Variants in TAFA2 observed in about 807,000 individuals in gnomAD.
TAFA2 encodes TAFA chemokine like family member 2.
A neutral mutation model predicts 18.8 loss-of-function variants in TAFA2; 7 were observed. That is an observed-to-expected ratio of 0.37 (90% CI 0.21 to 0.70). TAFA2 has a LOEUF of 0.70. Ranked by LOEUF, TAFA2 falls within the 30% of genes least tolerant of loss-of-function variation. The pLI is 0.53. For synonymous variants in TAFA2, 60 were observed against 54.2 expected, an observed-to-expected ratio of 1.11 and a Z score of -0.47; for missense variants, 122 against 158.1, an observed-to-expected ratio of 0.77 and a Z score of 1.23.
intron 1 of TAFA2, among the ~76,000 whole-genome samples, chr12:62,065,609 G>A (rs759239637): frequency 5.3e-5 from 8 of 151,984 alleles, no homozygotes; most frequent in Non-Finnish European, 1.2e-4. Context: ...TTCTTAGCAT[G>A]TGTTCATATC....
At chr12:62,085,928 G>T (rs1413779276) in intron 1 of TAFA2, among the ~76,000 whole-genome samples, 1 of 152,018 alleles carries the variant, frequency 6.6e-6, no homozygotes, top group African/African-American at 2.4e-5. Flanking sequence ...AGATCTGATG[G>T]TTTAAAAGAG....
At chr12:62,210,091 C>A (rs2062707444) in intron 1 of TAFA2, among the ~76,000 whole-genome samples, 1 of 151,856 alleles carries the variant, frequency 6.6e-6, no homozygotes, top group African/African-American at 2.4e-5. Flanking sequence ...GAGGCTAAGG[C>A]AGAAAAATGG....
chr12:61,943,954 C>T (rs1295936109), intron 1 of TAFA2, among the ~76,000 whole-genome samples: 5 of 143,988 alleles, frequency 3.5e-5, no homozygotes, highest in Admixed American at 2.8e-4. Flanking sequence ...CCAAGCGGAC[C>T]TAATAGACAT....
At chr12:62,253,872 T>A (rs1283096617) in intron 1 of TAFA2, among the ~76,000 whole-genome samples, 1 of 152,228 alleles carries the variant, frequency 6.6e-6, no homozygotes, top group Admixed American at 6.5e-5. Flanking sequence ...ATGATTTAAG[T>A]CCACATGGCA....
At chr12:61,999,559 A>C (rs1880311426) in intron 1 of TAFA2, among the ~76,000 whole-genome samples, 1 of 152,192 alleles carries the variant, frequency 6.6e-6, no homozygotes, top group Non-Finnish European at 1.5e-5. Flanking sequence ...AAATCCTGTC[A>C]TGTGCCCAGC....
chr12:61,949,810 T>A (rs1329343818), intron 1 of TAFA2, among the ~76,000 whole-genome samples: 3 of 152,220 alleles, frequency 2.0e-5, no homozygotes, highest in Non-Finnish European at 2.9e-5. Flanking sequence ...TTAGTCATTT[T>A]AAGTGTACAA....
intron 1 of TAFA2, among the ~76,000 whole-genome samples, chr12:61,917,763 C>T (rs76813788): frequency 0.021 from 3,130 of 152,276 alleles, 30 homozygotes; most frequent in Middle Eastern, 0.075. Flanking sequence ...AGTCACACAA[C>T]TCCTACATCA....
chr12:62,205,618 C>T (rs1300231746), intron 1 of TAFA2, among the ~76,000 whole-genome samples: 2 of 152,210 alleles, frequency 1.3e-5, no homozygotes, highest in South Asian at 2.1e-4. Flanking sequence ...TGATCTGCCA[C>T]AGCCACTGTG....
intron 1 of TAFA2, among the ~76,000 whole-genome samples, chr12:61,937,000 T>G (rs1877795946): frequency 6.6e-6 from 1 of 152,154 alleles, no homozygotes; most frequent in Non-Finnish European, 1.5e-5. Context: ...TCAGTAGCAC[T>G]GCTATCACCA....
chr12:61,990,897 GAT>G (rs1879987231), intron 1 of TAFA2, among the ~76,000 whole-genome samples: 1 of 152,162 alleles, frequency 6.6e-6, no homozygotes, highest in South Asian at 2.1e-4. Context: ...AGTATTATAA[GAT>G]ATGTGAGCTA....
intron 1 of TAFA2, among the ~76,000 whole-genome samples, chr12:61,973,054 A>G (rs1879305031): frequency 6.6e-6 from 1 of 151,698 alleles, no homozygotes; most frequent in Admixed American, 6.6e-5. Context: ...GAATTATACA[A>G]AAGAACAGTA....
At chr12:62,060,041 T>C (rs1333088157) in intron 1 of TAFA2, among the ~76,000 whole-genome samples, 1 of 152,234 alleles carries the variant, frequency 6.6e-6, no homozygotes, top group East Asian at 1.9e-4. Context: ...CACACATTTA[T>C]TGTTTCACAG....
At chr12:61,907,666 A>T (rs936023583) in intron 1 of TAFA2, among the ~76,000 whole-genome samples, 1 of 152,130 alleles carries the variant, frequency 6.6e-6, no homozygotes, top group Non-Finnish European at 1.5e-5. Context: ...ACCATCTTCC[A>T]GACCGCATAA....
chr12:62,069,857 A>G (rs1272019606), intron 1 of TAFA2, among the ~76,000 whole-genome samples: 2 of 152,228 alleles, frequency 1.3e-5, no homozygotes, highest in African/African-American at 4.8e-5. Context: ...CCACTTTAAA[A>G]TAACACTTTT....
intron 2 of TAFA2, among the ~76,000 whole-genome samples, chr12:61,789,267 C>T (rs1438119383): frequency 1.3e-5 from 2 of 151,742 alleles, no homozygotes; most frequent in African/African-American, 4.8e-5. Context: ...AGGGATTTTA[C>T]AGTTTTAGGT....
At chr12:61,946,098 C>T (rs1311353494) in intron 1 of TAFA2, among the ~76,000 whole-genome samples, 220 of 143,652 alleles carry the variant, frequency 1.5e-3, no homozygotes, top group African/African-American at 5.5e-3. Flanking sequence ...GGTACTGGTA[C>T]CAAAACAGAG....
intron 1 of TAFA2, among the ~76,000 whole-genome samples, chr12:61,879,108 G>A (rs1874993995): frequency 6.6e-6 from 1 of 152,180 alleles, no homozygotes; most frequent in Non-Finnish European, 1.5e-5. Flanking sequence ...AGAAGTTGGA[G>A]GCTGCAGGGA....
intron 1 of TAFA2, among the ~76,000 whole-genome samples, chr12:62,006,572 A>C (rs1282803613): frequency 6.6e-6 from 1 of 152,186 alleles, no homozygotes; most frequent in African/African-American, 2.4e-5. Context: ...TTGCTTTACT[A>C]CTAACTAAAG....
chr12:61,843,978 C>G (rs1873298165), intron 2 of TAFA2, among the ~76,000 whole-genome samples: 1 of 151,978 alleles, frequency 6.6e-6, no homozygotes, highest in Admixed American at 6.6e-5. Context: ...AGAAAATGTA[C>G]AGCATTAAGA....
Sources: allele counts gnomAD v4.1 joint callset (sites outside exome capture counted in the v4.1 genomes callset), GRCh38; gene constraint gnomAD v4.1.1; transcripts MANE v1.5; gene names NCBI Gene and HGNC (gene_info 2026-07-23, HGNC 2026-07-21).